BOD1L1: variants seen among roughly 807,000 people sequenced by gnomAD.
BOD1L1 encodes the protein biorientation of chromosomes in cell division 1 like 1, also known as biorientation of chromosomes in cell division protein 1-like 1.
BOD1L1 carries 86 observed loss-of-function variants against 240.7 expected under a neutral mutation model. The observed-to-expected ratio is 0.36, with a 90% CI of 0.30 to 0.43. BOD1L1 has a LOEUF of 0.43. Among genes scored for constraint, BOD1L1 ranks in the 20% least tolerant of loss-of-function variants. BOD1L1 has a pLI of 1.00. For synonymous variants in BOD1L1, 1,268 were observed against 1,272.3 expected (o/e 1.00, Z 0.07); for missense variants, 3,554 against 3,643.5 (o/e 0.98, Z 0.63).
chr4:13,607,067 G>T, intron 9 of BOD1L1, 50 bp downstream of exon 9: 1 of 1,213,012 alleles, frequency 8.2e-7, no homozygotes, highest in Non-Finnish European at 1.2e-6. Context: ...GGAATAAACA[G>T]CCTATATCTA....
chr4:13,591,790 T>G, intron 13 of BOD1L1, 133 bp downstream of exon 13: 1 of 630,276 alleles, frequency 1.6e-6, no homozygotes, highest in Non-Finnish European at 2.7e-6. Context: ...AAGAGTACAC[T>G]ACCAAATGCC....
chr4:13,601,628 C>T lies in BOD1L1; in HGVS notation c.5272G>A (p.Ala1758Thr). The T allele has an allele frequency of 6.2e-7, 1 of 1,614,034 alleles. No homozygotes were observed. Among genetic ancestry groups the T allele is most frequent in the Non-Finnish European group, 8.5e-7 (1 of 1,179,900 alleles). The change falls in exon 10 of 26, where the codon GCA (alanine) becomes ACA (threonine). Residue 1758 changes from alanine to threonine, a missense_variant. By Grantham distance (58) the Ala-to-Thr change is moderately conservative. Transcript: ENST00000040738. ...GPREERMVTGAGVVLGDNDAP... is the reference protein window; with the variant it reads ...GPREERMVTGTGVVLGDNDAP... ...TCATTATCTCCCAGGACAACACCTG[C>T]ACCTGTAACCATGCGTTCCTCCCGG... is the stretch of plus-strand genomic sequence containing the variant.
chr4:13,582,747 G>A lies in BOD1L1; in HGVS notation c.8434-11C>T. On this transcript the variant is annotated splice_polypyrimidine_tract_variant and intron_variant, in intron 17 of 25. Coordinates refer to ENST00000040738, the MANE Select transcript of BOD1L1 (RefSeq NM_148894.3). ...TCTGGAGTTCTCTTCCTATAGAGAA[G>A]TTGAAAAAGACTAGAACCTTCTTCA... 6.4e-7 allele frequency: 1 copy of A among 1,572,406 alleles called. No homozygotes were observed. Among genetic ancestry groups the A allele is most frequent in the Non-Finnish European group, 8.7e-7 (1 of 1,143,966 alleles).
chr4:13,598,635 G>A (rs1442688390), intron 10 of BOD1L1, among the ~76,000 whole-genome samples: 1 of 152,122 alleles, frequency 6.6e-6, no homozygotes, highest in Non-Finnish European at 1.5e-5. Flanking sequence ...AGGTCAAAAA[G>A]GTTTAGTAAG....
At chr4:13,587,136 C>A (rs778500340) in intron 16 of BOD1L1, among the ~76,000 whole-genome samples, 7 of 152,182 alleles carry the variant, frequency 4.6e-5, no homozygotes, top group Admixed American at 6.5e-5. Flanking sequence ...CTAACCACAT[C>A]TGGCTACTGA....
intron 14 of BOD1L1, among the ~76,000 whole-genome samples, chr4:13,589,595 A>G (rs1244391774): frequency 6.6e-6 from 1 of 152,180 alleles, no homozygotes; most frequent in Non-Finnish European, 1.5e-5. Flanking sequence ...TTGTTTATGG[A>G]CCTATATATA....
At chr4:13,572,943 A>G in intron 25 of BOD1L1, 1 of 1,022,816 alleles carries the variant, frequency 9.8e-7, no homozygotes, top group Non-Finnish European at 1.3e-6. Context: ...AAGTCAGAAC[A>G]ATAGGAACTA....
In BOD1L1 at chr4:13,600,267, C is replaced by T. The variant is rs374260821; in HGVS notation, c.6633G>A (p.Glu2211=). Reference sequence around the variant, plus strand: ...AAATGAGAGCACATTCATCCTTCTCCTCCTTGCTGGTTGAGGCAAGAGGAC... The same window carrying T: ...AAATGAGAGCACATTCATCCTTCTCTTCCTTGCTGGTTGAGGCAAGAGGAC... ...AESPLASTSK[E]EKDECALIST... is the part of the protein sequence containing the mutation. Residue 2211 remains glutamate (E), a synonymous_variant, in exon 10 of 26, where the codon GAG becomes GAA. Transcript: ENST00000040738. The T allele has an allele frequency of 1.9e-6, 3 of 1,614,056 alleles. No individual in the cohort carries two copies. Among genetic ancestry groups the T allele is most frequent in the East Asian group, 2.2e-5 (1 of 44,890 alleles).
At chr4:13,609,235 T>G (rs1361507937) in intron 7 of BOD1L1, 60 bp downstream of exon 7, 1 of 960,526 alleles carries the variant, frequency 1.0e-6, no homozygotes, top group African/African-American at 1.7e-5. Flanking sequence ...AATATAAGAG[T>G]ACCCAGAAAA....
chr4:13,593,648 C>T (rs947517929), intron 12 of BOD1L1: 5 of 152,080 alleles, frequency 3.3e-5, no homozygotes, highest in East Asian at 3.9e-4. Flanking sequence ...CAGTCAAGTA[C>T]GTATCTTTAT....
Position 13,599,927 on chromosome 4 carries a change from T to C in BOD1L1, c.6973A>G (p.Ser2325Gly). The C allele has an allele frequency of 6.2e-7, 1 of 1,613,574 alleles. No homozygotes were observed. Among genetic ancestry groups the C allele is most frequent in the Non-Finnish European group, 8.5e-7 (1 of 1,179,716 alleles). ...RLTITRVEDL[S>G]DAAIISTSTA... ...CTGGTGGAGATGATGGCAGCATCGCTCAAGTCTTCTACTCTTGTGATGGTG... is the reference window on the plus strand; with the variant it reads ...CTGGTGGAGATGATGGCAGCATCGCCCAAGTCTTCTACTCTTGTGATGGTG... Residue 2325 changes from serine to glycine, a missense_variant, in exon 10 of 26, where the codon AGC (serine) becomes GGC (glycine). Physicochemically the swap from Ser to Gly is moderately conservative, Grantham distance 56. Transcript: ENST00000040738.
Position 13,580,155 on chromosome 4 carries a change from CAG to C in BOD1L1, c.8704-184_8704-183del, listed in dbSNP as rs1196358705. The C allele has an allele frequency of 1.1e-5, 6 of 554,336 alleles. No individual in the cohort carries two copies. In the African/African-American group the frequency reaches 1.2e-4, roughly 11 times the overall value. 34.3% of individuals were successfully genotyped at this position (554,336 alleles called of 1,614,324 possible). A position where few individuals can be genotyped will look rare whatever the true frequency, so the allele number is the denominator to read the frequency against. On this transcript the variant is annotated intron_variant, in intron 21 of 25. Transcript: ENST00000040738. Reference sequence around the variant, plus strand: ...ACATGGATGCCTGAGCTTCTAAATACAGACTTTCCAATAAGTAACTTCCCTTT... The same window carrying C: ...ACATGGATGCCTGAGCTTCTAAATACACTTTCCAATAAGTAACTTCCCTTT...
intron 25 of BOD1L1, among the ~76,000 whole-genome samples, chr4:13,571,215 T>G (rs1285283982): frequency 1.3e-5 from 2 of 152,212 alleles, no homozygotes; most frequent in African/African-American, 4.8e-5. Flanking sequence ...TTCATTTTTC[T>G]AACTCCAGTG....
intron 5 of BOD1L1, among the ~76,000 whole-genome samples, chr4:13,612,454 A>C (rs1344980705): frequency 1.3e-5 from 2 of 152,192 alleles, no homozygotes; most frequent in African/African-American, 4.8e-5. Flanking sequence ...CACTAGCTAC[A>C]TGACTGGACA....
In BOD1L1 at chr4:13,613,573, T is replaced by C; in HGVS notation, c.1263A>G (p.Glu421=). The C allele has an allele frequency of 6.2e-7, 1 of 1,612,732 alleles. No homozygotes were observed. Residue 421 remains glutamate, a synonymous_variant, in exon 5 of 26, where the codon GAA becomes GAG. Transcript: ENST00000040738. This position sits in a 1 kb window ranked among gnomAD's most constrained non-coding sequence, Gnocchi z 4.0. ...VHTSDLSSFE[E]DTEEEVVTSD... ...ACGTTACAACTTCCTCCTCAGTATC[T>C]TCTTCAAAAGATGAAAGGTCACTGG...
chr4:13,607,701 T>C (rs150911546), intron 8 of BOD1L1, among the ~76,000 whole-genome samples: 8 of 152,180 alleles, frequency 5.3e-5, no homozygotes, highest in Non-Finnish European at 7.4e-5. Context: ...ATCCCAAACA[T>C]AGCATTAACT....
At chr4:13,577,746 A>G in intron 22 of BOD1L1, 115 bp from the exon 23 acceptor site, 7 of 738,286 alleles carry the variant, frequency 9.5e-6, no homozygotes, top group Non-Finnish European at 1.3e-5. Flanking sequence ...TATACATTTC[A>G]TCATTATCTT....
In BOD1L1 at chr4:13,590,136, G is replaced by A. The variant is rs112932155; in HGVS notation, c.8209+250C>T. 6.0e-4 allele frequency among the ~76,000 whole-genome samples: 92 copies of A among 152,312 alleles called. 1 individual carries two copies. The Middle Eastern group carries it at 0.014, about 23-fold the overall frequency. On this transcript the variant is annotated intron_variant, in intron 14 of 25. Transcript: ENST00000040738. ...GATTGAGTCAACTGGGAGATTAATG[G>A]CAAAGTTCTAGTAGCTATTTAAAGC...
chr4:13,616,810 G>A (rs111755179), intron 2 of BOD1L1, among the ~76,000 whole-genome samples: 21 of 152,230 alleles, frequency 1.4e-4, no homozygotes, highest in African/African-American at 4.1e-4. Flanking sequence ...TCAGCACAAA[G>A]TAGGTTACCT....
Sources: allele counts gnomAD v4.1 joint callset (sites outside exome capture counted in the v4.1 genomes callset), GRCh38; gene constraint gnomAD v4.1.1; non-coding constraint Gnocchi (gnomAD v3.1); transcripts MANE v1.5; gene names NCBI Gene and HGNC (gene_info 2026-07-23, HGNC 2026-07-21).